The following CHD5 variants were observed in gnomAD, a reference collection of about 807,000 sequenced individuals.
CHD5 encodes the protein chromodomain helicase DNA binding protein 5, also known as ATP-dependent chromatin remodeler CHD5.
Under a neutral mutation model 230.3 loss-of-function variants are expected in CHD5, and 69 were observed. The ratio of observed to expected loss-of-function variants is 0.30; its 90% CI spans 0.25 to 0.37. The LOEUF (loss-of-function observed/expected upper bound fraction) is 0.37, where lower values mean the gene tolerates loss of function less well. CHD5 is among the 10% of genes least tolerant of loss of function. The pLI, the probability that CHD5 is intolerant of heterozygous loss-of-function variation, is 1.00. For missense variants in CHD5, 1,827 were observed against 2,622.8 expected (o/e 0.70, Z 6.63); for synonymous variants, 1,064 against 1,065.9 (o/e 1.00, Z 0.03).
rs1222983096 is a variant in CHD5, at chr1:6,102,336, A to ACAC, written c.*3135_*3137dup. 89 of 157,136 alleles carry ACAC rather than the reference A, an allele frequency of 5.7e-4. No homozygotes were observed. Among genetic ancestry groups the ACAC allele is most frequent in the Non-Finnish European group, 3.7e-4 (26 of 70,870 alleles). 9.7% of individuals were successfully genotyped at this position (157,136 alleles called of 1,614,324 possible). On this transcript the variant is annotated 3_prime_UTR_variant, in exon 42 of 42. Coordinates refer to ENST00000262450, the MANE Select transcript of CHD5 (RefSeq NM_015557.3). Reference sequence around the variant, plus strand: ...TGCACCACAACCTGTAAACTTTCAGACACAGAAAACAGGACAGGAACCAGC... The same window carrying ACAC: ...TGCACCACAACCTGTAAACTTTCAGACACCACAGAAAACAGGACAGGAACCAGC...
At chr1:6,169,387 G>A (rs1667302356) in intron 1 of CHD5, among the ~76,000 whole-genome samples, 1 of 152,230 alleles carries the variant, frequency 6.6e-6, no homozygotes, top group Non-Finnish European at 1.5e-5. Context: ...GGCCGAGGGG[G>A]CCCTGGCCGG....
intron 37 of CHD5, 43 bp downstream of exon 37, chr1:6,110,351 T>C (rs1268834555): frequency 1.9e-6 from 3 of 1,574,762 alleles, no homozygotes; most frequent in Non-Finnish European, 2.6e-6. Context: ...CCTGACACCG[T>C]CCCTCCCTGC....
intron 13 of CHD5, among the ~76,000 whole-genome samples, chr1:6,143,381 C>T (rs1204801318): frequency 6.6e-6 from 1 of 152,196 alleles, no homozygotes; most frequent in African/African-American, 2.4e-5. Flanking sequence ...TGCAGTCCTC[C>T]CAATGGACCA....
At chr1:6,116,893 T>C (rs1239903614) in intron 33 of CHD5, among the ~76,000 whole-genome samples, 3 of 152,208 alleles carry the variant, frequency 2.0e-5, no homozygotes, top group Non-Finnish European at 4.4e-5. Flanking sequence ...ATTAAAAATT[T>C]AGAAATAAGC....
rs1001152291 is a variant in CHD5 at position 6,149,519 on chromosome 1, G to A, written c.995-107C>T. On this transcript the variant is annotated intron_variant, in intron 7 of 41. Transcript: ENST00000262450. ...GGCACAGAGTAGATGTCTAATAGAG[G>A]GTGGATGGAAAGGTGGGTGGGTGAA... The A allele has an allele frequency of 3.5e-5, 40 of 1,143,940 alleles. 2 individuals are homozygous for A. The South Asian group carries it at 8.2e-4, about 24-fold the overall frequency. 70.9% of individuals were successfully genotyped at this position (1,143,940 alleles called of 1,614,324 possible).
In CHD5 at chr1:6,124,665, GGGT is replaced by G; in HGVS notation, c.4395-7_4395-5del. On this transcript the variant is annotated splice_region_variant and splice_polypyrimidine_tract_variant and intron_variant, in intron 29 of 41. Coordinates refer to ENST00000262450, the MANE Select transcript of CHD5 (RefSeq NM_015557.3). ...CATGAAGAGGGACACATAGGCTCTG[GGGT>G]GGGGGGGGGGGACTGGGGCTCAGGG... is the stretch of plus-strand genomic sequence containing the variant. 7.0e-7 allele frequency: 1 copy of G among 1,423,300 alleles called. No individual in the cohort carries two copies. The highest frequency in any genetic ancestry group is 9.6e-7 in the Non-Finnish European group (1 of 1,045,732). The allele number at this position is 1,423,300 out of a possible 1,614,324, so 88.2% of individuals were successfully genotyped here.
intron 1 of CHD5, among the ~76,000 whole-genome samples, chr1:6,174,996 T>A (rs1052258172): frequency 2.8e-5 from 4 of 144,122 alleles, no homozygotes; most frequent in South Asian, 4.4e-4. Flanking sequence ...GATGGATGGA[T>A]GGCAGATGGA....
rs1253150633 is a variant in CHD5 at position 6,111,768 on chromosome 1, A to G, written c.5249+7T>C. On this transcript the variant is annotated splice_region_variant and intron_variant, in intron 36 of 41. Coordinates refer to ENST00000262450, the MANE Select transcript of CHD5 (RefSeq NM_015557.3). ...GTCCCTGCCCAGCCCGGCCTGGCCA[A>G]GGATACGTCACGATGCCCGCCAGCA... is the stretch of plus-strand genomic sequence containing the variant. 1 of 1,612,048 alleles carries G rather than the reference A, an allele frequency of 6.2e-7. No homozygotes were observed. Among genetic ancestry groups the G allele is most frequent in the East Asian group, 2.2e-5 (1 of 44,890 alleles).
Position 6,121,281 on chromosome 1 carries a change from C to T in CHD5, c.4780-44G>A, listed in dbSNP as rs1462804152. 1.3e-6 allele frequency: 2 copies of T among 1,588,874 alleles called. No homozygotes were observed. The highest frequency in any genetic ancestry group is 1.4e-5 in the African/African-American group (1 of 73,646). ...GAGAACTACAAGGCCTGGGGCCTCA[C>T]CAGGAACGGAGGGCGGGGAACGTGC... is the stretch of plus-strand genomic sequence containing the variant. On this transcript the variant is annotated intron_variant, in intron 32 of 41. Transcript: ENST00000262450. This position sits in a 1 kb window ranked among gnomAD's most constrained non-coding sequence, Gnocchi z 4.5.
intron 1 of CHD5, among the ~76,000 whole-genome samples, chr1:6,177,982 G>A (rs1026670025): frequency 4.6e-5 from 7 of 152,140 alleles, no homozygotes; most frequent in South Asian, 4.1e-4. Flanking sequence ...AGAAGGAGTG[G>A]GTAGAAGGCC....
intron 1 of CHD5, among the ~76,000 whole-genome samples, chr1:6,172,091 A>C (rs544559321): frequency 6.6e-6 from 1 of 152,336 alleles, no homozygotes; most frequent in East Asian, 1.9e-4. Flanking sequence ...TCTAGCTCCC[A>C]GTATGCGCCA....
intron 5 of CHD5, among the ~76,000 whole-genome samples, chr1:6,153,699 T>G (rs1433085078): frequency 6.6e-6 from 1 of 152,082 alleles, no homozygotes; most frequent in Admixed American, 6.5e-5. Flanking sequence ...GGTGTGGTGA[T>G]GCACTCCTGT....
At chr1:6,137,386 C>T (rs928416991) in intron 15 of CHD5, among the ~76,000 whole-genome samples, 2 of 152,198 alleles carry the variant, frequency 1.3e-5, no homozygotes, top group East Asian at 3.9e-4. Context: ...GGATTACAGG[C>T]GTGAGCCACC....
Position 6,155,670 on chromosome 1 carries a change from G to A in CHD5, c.435C>T (p.Asp145=), listed in dbSNP as rs140138233. ...GQLMAEWGLD[D]VDYLFSEEDY... is the part of the protein sequence containing the mutation. ...CCTCCTCCGAGAACAGGTAGTCCACGTCGTCCAGGCCCCACTCGGCCATGA... is the reference window on the plus strand; with the variant it reads ...CCTCCTCCGAGAACAGGTAGTCCACATCGTCCAGGCCCCACTCGGCCATGA... Residue 145 remains aspartate, a synonymous_variant, in exon 4 of 42, where the codon GAC becomes GAT. Transcript: ENST00000262450. This position sits in a 1 kb window ranked among gnomAD's most constrained non-coding sequence, Gnocchi z 4.0. 4.5e-5 allele frequency: 73 copies of A among 1,614,086 alleles called. No homozygotes were observed. In the African/African-American group the frequency reaches 7.9e-4, roughly 17 times the overall value.
intron 33 of CHD5, among the ~76,000 whole-genome samples, chr1:6,117,313 G>A (rs1051661585): frequency 2.5e-4 from 38 of 152,064 alleles, no homozygotes; most frequent in Admixed American, 3.9e-4. Context: ...CCTATACACC[G>A]TCTACAAAAG....
chr1:6,168,063 A>C (rs1667281771), intron 2 of CHD5, 87 bp downstream of exon 2: 3 of 1,469,434 alleles, frequency 2.0e-6, no homozygotes, highest in South Asian at 2.8e-5. Context: ...TCCAAGGTCC[A>C]GGGACCCCAG....
At position 6,172,118 on chromosome 1, in the gene CHD5, C is replaced by G. The variant is rs561164427; in HGVS notation, c.80-3841G>C. Among the ~76,000 whole-genome samples, 5 of 152,358 alleles carry G rather than the reference C, an allele frequency of 3.3e-5. No individual in the cohort carries two copies. In the South Asian group the frequency reaches 1.0e-3, roughly 32 times the overall value. ...TATGCGCCAGCTCAGCCCTGTGGGA[C>G]CCCCAGGCTGGCCTAGGCTGAGCCA... On this transcript the variant is annotated intron_variant, in intron 1 of 41. Transcript: ENST00000262450.
At chr1:6,152,613 T>C in intron 5 of CHD5, 77 bp from the exon 6 acceptor site, 1 of 1,600,522 alleles carries the variant, frequency 6.2e-7, no homozygotes, top group Non-Finnish European at 8.5e-7. Flanking sequence ...CACTGAGCTC[T>C]CGGTTACCCA....
In CHD5 at chr1:6,106,396, G is replaced by T; in HGVS notation, c.5856C>A (p.Thr1952=). The change falls in exon 40 of 42, where the codon ACC becomes ACA. Residue 1952 remains threonine, a splice_region_variant and synonymous_variant. Coordinates refer to ENST00000262450, the MANE Select transcript of CHD5 (RefSeq NM_015557.3). Reference sequence around the variant, plus strand: ...TGCCCGGAGCGGACGGGCACCTACCGGTCACATAGGGCCCCAGGGGCATCT... The same window carrying T: ...TGCCCGGAGCGGACGGGCACCTACCTGTCACATAGGGCCCCAGGGGCATCT... ...YNQMPLGPYV[T]DI is the part of the protein sequence containing the mutation. 1 of 1,599,906 alleles carries T rather than the reference G, an allele frequency of 6.3e-7. No homozygotes were observed. Among genetic ancestry groups the T allele is most frequent in the Non-Finnish European group, 8.5e-7 (1 of 1,173,810 alleles).
Sources: allele counts gnomAD v4.1 joint callset (sites outside exome capture counted in the v4.1 genomes callset), GRCh38; gene constraint gnomAD v4.1.1; non-coding constraint Gnocchi (gnomAD v3.1); transcripts MANE v1.5; gene names NCBI Gene and HGNC (gene_info 2026-07-23, HGNC 2026-07-21).